The following UMAD1 variants were observed in gnomAD, a reference collection of about 807,000 sequenced individuals.
The protein encoded by UMAD1 is UBAP1-MVB12-associated (UMA) domain containing 1.
Under a neutral mutation model 6.1 loss-of-function variants are expected in UMAD1, and 8 were observed. That is an observed-to-expected ratio of 1.30 (90% confidence interval 0.76 to 2.35). The LOEUF is 2.35. UMAD1 is among the 30% of genes most tolerant of loss of function. The probability of loss-of-function intolerance (pLI) is 0.00; values close to 1 mark genes in which losing one functional copy is unlikely to be tolerated. For synonymous variants in UMAD1, 56 were observed against 31.4 expected (o/e 1.78, Z -2.61); for missense variants, 130 against 78.4 (o/e 1.66, Z -2.49).
chr7:7,748,444 C>T (rs1048336715), intron 2 of UMAD1, among the ~76,000 whole-genome samples: 1 of 152,066 alleles, frequency 6.6e-6, no homozygotes, highest in Non-Finnish European at 1.5e-5. Context: ...AAATCTACTT[C>T]TGCCACAGAA....
At chr7:7,753,434 T>A (rs1781716709) in intron 2 of UMAD1, among the ~76,000 whole-genome samples, 1 of 152,228 alleles carries the variant, frequency 6.6e-6, no homozygotes, top group African/African-American at 2.4e-5. Context: ...CTACTCTTCC[T>A]TGCCTCTGGT....
At chr7:7,730,245 G>A (rs1173793442) in intron 2 of UMAD1, among the ~76,000 whole-genome samples, 1 of 152,114 alleles carries the variant, frequency 6.6e-6, no homozygotes, top group African/African-American at 2.4e-5. Context: ...GGAATCACGT[G>A]GGGTGCTCTA....
At chr7:7,749,465 C>G (rs1159032217) in intron 2 of UMAD1, among the ~76,000 whole-genome samples, 1 of 152,114 alleles carries the variant, frequency 6.6e-6, no homozygotes, top group East Asian at 1.9e-4. Flanking sequence ...ATGCCTTTTC[C>G]AGGAATGGGA....
At chr7:7,683,644 G>A (rs1358240610) in intron 2 of UMAD1, among the ~76,000 whole-genome samples, 1 of 150,906 alleles carries the variant, frequency 6.6e-6, no homozygotes, top group African/African-American at 2.4e-5. Context: ...TTTTTTAGAC[G>A]GAGTTTTTGC....
rs370439142 is a variant in UMAD1, at chr7:7,741,534, A to G, written c.83-60136A>G. 7.8e-4 allele frequency among the ~76,000 whole-genome samples: 118 copies of G among 150,952 alleles called. 1 individual carries two copies. The South Asian group carries it at 0.014, about 18-fold the overall frequency. ...GGAGTTTGCAGTGAGCCGAGATCAC[A>G]TCACTGCACTCCAGCCTGGGCTACA... On this transcript the variant is annotated intron_variant, in intron 2 of 3. Coordinates refer to ENST00000682710, the MANE Select transcript of UMAD1 (RefSeq NM_001302348.2).
chr7:7,672,126 G>A lies in UMAD1; in HGVS notation c.-63-1183G>A, dbSNP rs555672481. 4.6e-5 allele frequency among the ~76,000 whole-genome samples: 7 copies of A among 152,182 alleles called. No individual in the cohort carries two copies. In the East Asian group the frequency reaches 1.4e-3, roughly 29 times the overall value. On this transcript the variant is annotated intron_variant, in intron 1 of 3. Coordinates refer to ENST00000682710, the MANE Select transcript of UMAD1 (RefSeq NM_001302348.2). ...CATTAAATCCTCACCCTCCCTTCTT[G>A]GTTTTCTGCTATGGGTGAAATATAT... is the stretch of plus-strand genomic sequence containing the variant.
At chr7:7,718,765 A>T (rs1018593899) in intron 2 of UMAD1, among the ~76,000 whole-genome samples, 2 of 152,172 alleles carry the variant, frequency 1.3e-5, no homozygotes, top group African/African-American at 4.8e-5. Flanking sequence ...ATAGGCAGGA[A>T]CCTTTCTTTT....
chr7:7,812,691 C>A (rs1341930486), intron 3 of UMAD1, among the ~76,000 whole-genome samples: 1 of 151,964 alleles, frequency 6.6e-6, no homozygotes, highest in Admixed American at 6.6e-5. Flanking sequence ...TGGTAGTCAC[C>A]TTGTTGTCAT....
chr7:7,830,179 C>T lies in UMAD1; in HGVS notation c.156+28436C>T, dbSNP rs1434699604. On this transcript the variant is annotated intron_variant, in intron 3 of 3. Transcript: ENST00000682710. The surrounding 1 kb of genome is among the most constrained non-coding windows in gnomAD (Gnocchi z 5.3). ...TGGACCTGCAGGTCTGGCCAAGCCC[C>T]TGCTAGGACTGTGTCTACCTTGTAC... Among the ~76,000 whole-genome samples the T allele has an allele frequency of 6.6e-6, 1 of 152,212 alleles. No individual in the cohort carries two copies. The highest frequency in any genetic ancestry group is 2.4e-5 in the African/African-American group (1 of 41,460).
At chr7:7,847,330 G>GTGTA (rs376495059) in intron 3 of UMAD1, among the ~76,000 whole-genome samples, 1 of 147,380 alleles carries the variant, frequency 6.8e-6, no homozygotes, top group African/African-American at 2.5e-5. Context: ...ATAGCTTTGT[G>GTGTA]TATATATATA....
intron 3 of UMAD1, among the ~76,000 whole-genome samples, chr7:7,817,895 C>T (rs1267525020): frequency 6.6e-6 from 1 of 152,106 alleles, no homozygotes; most frequent in Non-Finnish European, 1.5e-5. Context: ...CTTACTGCAA[C>T]CTGCACCTTC....
intron 2 of UMAD1, among the ~76,000 whole-genome samples, chr7:7,710,720 C>A (rs899140691): frequency 6.6e-6 from 1 of 152,098 alleles, no homozygotes; most frequent in African/African-American, 2.4e-5. Context: ...AAATTGAAGA[C>A]GTATATGTGC....
At chr7:7,875,991 ATACAGTGAGCCAGGATCACGCAC>A (rs1563279648) in intron 3 of UMAD1, among the ~76,000 whole-genome samples, 1 of 152,174 alleles carries the variant, frequency 6.6e-6, no homozygotes, top group Admixed American at 6.5e-5. Context: ...GACAGGGAGG[ATACAGTGAGCCAGGATCACGCAC>A]TGCGCCCCAG....
chr7:7,831,298 A>G (rs1184984527), intron 3 of UMAD1, among the ~76,000 whole-genome samples: 1 of 152,230 alleles, frequency 6.6e-6, no homozygotes, highest in Non-Finnish European at 1.5e-5. Flanking sequence ...TATTCTTGTT[A>G]TATATTTTTG....
chr7:7,839,180 G>A (rs564254664), intron 3 of UMAD1, among the ~76,000 whole-genome samples: 1 of 152,266 alleles, frequency 6.6e-6, no homozygotes, highest in Admixed American at 6.5e-5. Context: ...TGGGGATGGA[G>A]TAAGGAAGTA....
In UMAD1 at chr7:7,830,893, T is replaced by C. The variant is rs1461507765; in HGVS notation, c.156+29150T>C. On this transcript the variant is annotated intron_variant, in intron 3 of 3. Transcript: ENST00000682710. The surrounding 1 kb of genome is among the most constrained non-coding windows in gnomAD (Gnocchi z 5.3). ...CATAGAAAAATTTGTTATTAGTTTT[T>C]ATGAATAAGCCAATCACCCAAACAT... Among the ~76,000 whole-genome samples, 1 of 152,192 alleles carries C rather than the reference T, an allele frequency of 6.6e-6. No homozygotes were observed. The highest frequency in any genetic ancestry group is 1.9e-4 in the East Asian group (1 of 5,202).
At chr7:7,788,651 C>T (rs979330147) in intron 2 of UMAD1, among the ~76,000 whole-genome samples, 5 of 151,826 alleles carry the variant, frequency 3.3e-5, no homozygotes, top group Admixed American at 3.3e-4. Flanking sequence ...TCTCTCAACT[C>T]CTCAGATTTT....
chr7:7,754,737 A>G (rs1437977399), intron 2 of UMAD1, among the ~76,000 whole-genome samples: 8 of 152,214 alleles, frequency 5.3e-5, no homozygotes, highest in Admixed American at 5.2e-4. Flanking sequence ...ATTTAAAACA[A>G]CTTGGGTTTG....
At chr7:7,707,988 T>C (rs933410933) in intron 2 of UMAD1, among the ~76,000 whole-genome samples, 2 of 152,208 alleles carry the variant, frequency 1.3e-5, no homozygotes, top group African/African-American at 4.8e-5. Context: ...TAGTTGTCAC[T>C]TTTTTAATGC....
Sources: allele counts gnomAD v4.1 joint callset (sites outside exome capture counted in the v4.1 genomes callset), GRCh38; gene constraint gnomAD v4.1.1; non-coding constraint Gnocchi (gnomAD v3.1); transcripts MANE v1.5; gene names NCBI Gene and HGNC (gene_info 2026-07-23, HGNC 2026-07-21).